The following SIGLEC8 variants were observed in gnomAD, a reference collection of about 807,000 sequenced individuals.
SIGLEC8 encodes sialic acid-binding Ig-like lectin 8.
In SIGLEC8, 32 loss-of-function variants were observed where a neutral mutation model predicts 42.1. That is an observed-to-expected ratio of 0.76 (90% confidence interval 0.57 to 1.02). The LOEUF is 1.02. SIGLEC8 is among the 50% of genes least tolerant of loss of function. The pLI, the probability that SIGLEC8 is intolerant of heterozygous loss-of-function variation, is 0.00. For synonymous variants in SIGLEC8, 262 were observed against 260.3 expected (o/e 1.01, Z -0.06); for missense variants, 611 against 610.2 (o/e 1.00, Z -0.01).
At chr19:51,453,532 T>TA (rs1989418067) in intron 6 of SIGLEC8, 1 of 441,764 alleles carries the variant, frequency 2.3e-6, no homozygotes, top group Non-Finnish European at 3.0e-6. Flanking sequence ...CCGTCTCTAC[T>TA]AAAAATACAA....
rs539416076 is a variant in SIGLEC8, at chr19:51,455,260, C to T, written c.1051+158G>A. Among the ~76,000 whole-genome samples the T allele has an allele frequency of 3.3e-5, 5 of 152,262 alleles. No homozygotes were observed. The East Asian group carries it at 7.7e-4, about 24-fold the overall frequency. The stretch of plus-strand genomic sequence containing the variant: ...TCCCCACCCCGCACCCCTTTCCTGG[C>T]GGGGAGAGGACAGTGATGCTCTGGG... On this transcript the variant is annotated intron_variant, in intron 4 of 6. Transcript: ENST00000321424.
chr19:51,454,817 C>A lies in SIGLEC8; in HGVS notation c.1052-37G>T. On this transcript the variant is annotated intron_variant, in intron 4 of 6. Transcript: ENST00000321424. This position sits in a 1 kb window ranked among gnomAD's most constrained non-coding sequence, Gnocchi z 4.7. ...TTGGAGTTGCTTTGGGGATTTATAT[C>A]ACGGAGAAGTGGGTCTCTTCCCCTC... 1 of 1,512,750 alleles carries A rather than the reference C, an allele frequency of 6.6e-7. No individual in the cohort carries two copies. Among genetic ancestry groups the A allele is most frequent in the Non-Finnish European group, 9.2e-7 (1 of 1,088,080 alleles). 93.7% of individuals were successfully genotyped at this position (1,512,750 alleles called of 1,614,324 possible).
At chr19:51,457,414 C>T (rs745547757) in intron 2 of SIGLEC8, 47 bp downstream of exon 2, 2 of 1,606,762 alleles carry the variant, frequency 1.2e-6, no homozygotes, top group South Asian at 2.2e-5. Flanking sequence ...CCCTCAGGAA[C>T]ACCTCCCAAC....
At chr19:51,457,887 C>T in intron 1 of SIGLEC8, 47 bp downstream of exon 1, 5 of 1,591,526 alleles carry the variant, frequency 3.1e-6, no homozygotes, top group South Asian at 2.2e-5. Flanking sequence ...TGCCTTTCAG[C>T]CCCTCATGAC....
intron 4 of SIGLEC8, among the ~76,000 whole-genome samples, chr19:51,455,130 C>T (rs1989457829): frequency 6.6e-6 from 1 of 152,244 alleles, no homozygotes. Context: ...GCAAGTGCCT[C>T]ATGTGCCTCA....
At chr19:51,453,364 G>GTC in intron 6 of SIGLEC8, 11 of 984,832 alleles carry the variant, frequency 1.1e-5, no homozygotes, top group Non-Finnish European at 1.2e-5. Flanking sequence ...TGGCAGCTCA[G>GTC]TCTTTAATTG....
In SIGLEC8 at chr19:51,452,617, G is replaced by C; in HGVS notation, c.1262C>G (p.Ser421Cys). The C allele has an allele frequency of 6.5e-7, 1 of 1,541,916 alleles. No homozygotes were observed. Among genetic ancestry groups the C allele is most frequent in the Non-Finnish European group, 8.8e-7 (1 of 1,140,290 alleles). Reference protein sequence around the residue: ...GSASQGPLTESWKDGNPLKKP... With the variant: ...GSASQGPLTECWKDGNPLKKP... Reference sequence around the variant, plus strand: ...CTTCAGGGGGTTGCCATCTTTCCAGGATTCAGTCAGGGGTCCCTGGACAGA... The same window carrying C: ...CTTCAGGGGGTTGCCATCTTTCCAGCATTCAGTCAGGGGTCCCTGGACAGA... Residue 421 changes from serine (S) to cysteine (C), a missense_variant, in exon 7 of 7, where the codon TCC becomes TGC. By Grantham distance (112) the Ser-to-Cys change is moderately radical (BLOSUM62 -1). Transcript: ENST00000321424.
Position 51,457,598 on chromosome 19 carries a change from G to T in SIGLEC8, c.596C>A (p.Pro199Gln). 4 of 1,612,956 alleles carry T rather than the reference G, an allele frequency of 2.5e-6. No homozygotes were observed. Among genetic ancestry groups the T allele is most frequent in the Non-Finnish European group, 3.4e-6 (4 of 1,179,394 alleles). ...ISWIGASVSS[P>Q]GPTTARSSVL... ...TGAGGAGCGGGCAGTAGTGGGGCCC[G>T]GGGAGGACACGGAGGCCCCAATCCA... The change falls in exon 2 of 7, where the codon CCG becomes CAG. Residue 199 changes from proline (P) to glutamine (Q), a missense_variant. Physicochemically the swap from Pro to Gln is moderately conservative, Grantham distance 76 (BLOSUM62 -1). Transcript: ENST00000321424.
chr19:51,457,351 G>T, intron 2 of SIGLEC8, 110 bp downstream of exon 2: 1 of 1,509,366 alleles, frequency 6.6e-7, no homozygotes, highest in Non-Finnish European at 9.0e-7. Context: ...CCCACTCCCA[G>T]CCCAGATTCT....
rs1271621992 is a variant in SIGLEC8, at chr19:51,454,777, G to A, written c.1055C>T (p.Thr352Ile). Residue 352 changes from threonine to isoleucine, a missense_variant, in exon 5 of 7, where the codon ACC becomes ATC. Coordinates refer to ENST00000321424, the MANE Select transcript of SIGLEC8 (RefSeq NM_014442.3). This position sits in a 1 kb window ranked among gnomAD's most constrained non-coding sequence, Gnocchi z 4.7. ...TGTCACTTGTGATACAGGTCTTGAGGTGCCTGCAGATGGATTGGAGTTGCT... is the reference window on the plus strand; with the variant it reads ...TGTCACTTGTGATACAGGTCTTGAGATGCCTGCAGATGGATTGGAGTTGCT... ...SLSLQNEGTG[T>I]SRPVSQVTLA... 1.2e-6 allele frequency: 2 copies of A among 1,613,250 alleles called. No homozygotes were observed. The highest frequency in any genetic ancestry group is 8.5e-7 in the Non-Finnish European group (1 of 1,179,336).
chr19:51,454,424 G>T lies in SIGLEC8; in HGVS notation c.1149-109C>A. 1 of 1,584,088 alleles carries T rather than the reference G, an allele frequency of 6.3e-7. No individual in the cohort carries two copies. Among genetic ancestry groups the T allele is most frequent in the Non-Finnish European group, 8.6e-7 (1 of 1,162,834 alleles). On this transcript the variant is annotated intron_variant, in intron 5 of 6. Coordinates refer to ENST00000321424, the MANE Select transcript of SIGLEC8 (RefSeq NM_014442.3). The surrounding 1 kb of genome is among the most constrained non-coding windows in gnomAD (Gnocchi z 4.7). ...TGGGGGCTTGAGGGGTGACCGAGGC[G>T]CAACGGCGGTGGTCCAGTTCCAGAG...
Position 51,458,289 on chromosome 19 carries a change from C to G in SIGLEC8, c.99G>C (p.Glu33Asp). The G allele has an allele frequency of 1.2e-6, 2 of 1,614,162 alleles. No individual in the cohort carries two copies. The highest frequency in any genetic ancestry group is 1.7e-6 in the Non-Finnish European group (2 of 1,180,008). The change falls in exon 1 of 7, where the codon GAG becomes GAC. Residue 33 changes from glutamate (E) to aspartate (D), a missense_variant. Glu to Asp is a conservative substitution (Grantham distance 45, BLOSUM62 2). Coordinates refer to ENST00000321424, the MANE Select transcript of SIGLEC8 (RefSeq NM_014442.3). ...YGDGYLLQVQ[E>D]LVTVQEGLCV... ...ACAGGCCCTCCTGCACCGTCACCAG[C>G]TCCTGCACTTGCAGCAAGTAACCAT... is the stretch of plus-strand genomic sequence containing the variant.
intron 3 of SIGLEC8, 25 bp downstream of exon 3, chr19:51,457,159 C>T (rs1989514196): frequency 6.2e-7 from 1 of 1,610,588 alleles, no homozygotes; most frequent in Non-Finnish European, 8.5e-7. Context: ...GCTCCCCCAA[C>T]CCCAGGGAGG....
In SIGLEC8 at chr19:51,457,924, C is replaced by T. The variant is rs1238979607; in HGVS notation, c.454+10G>A. The T allele has an allele frequency of 2.5e-6, 4 of 1,612,962 alleles. No homozygotes were observed. Among genetic ancestry groups the T allele is most frequent in the African/African-American group, 1.3e-5 (1 of 74,872 alleles). ...TTCCCCTGTGGCCTGTGCTGGAGCCCGTGCCTTACCTGTCACAAACACAGA... is the reference window on the plus strand; with the variant it reads ...TTCCCCTGTGGCCTGTGCTGGAGCCTGTGCCTTACCTGTCACAAACACAGA... On this transcript the variant is annotated intron_variant, in intron 1 of 6. Transcript: ENST00000321424.
chr19:51,456,634 G>T (rs1235934541), intron 3 of SIGLEC8, among the ~76,000 whole-genome samples: 1 of 152,186 alleles, frequency 6.6e-6, no homozygotes, highest in South Asian at 2.1e-4. Context: ...GTCTCACTAC[G>T]ATGTCAAACC....
rs756819874 is a variant in SIGLEC8, at chr19:51,454,763, A to G, written c.1069T>C (p.Ser357Pro). 3 of 1,613,768 alleles carry G rather than the reference A, an allele frequency of 1.9e-6. No individual in the cohort carries two copies. The South Asian group carries it at 3.3e-5, about 18-fold the overall frequency. Reference sequence around the variant, plus strand: ...CCGACTGCTGCCAGTGTCACTTGTGATACAGGTCTTGAGGTGCCTGCAGAT... The same window carrying G: ...CCGACTGCTGCCAGTGTCACTTGTGGTACAGGTCTTGAGGTGCCTGCAGAT... ...NEGTGTSRPVSQVTLAAVGGA... is the reference protein window; with the variant it reads ...NEGTGTSRPVPQVTLAAVGGA... The change falls in exon 5 of 7, where the codon TCA becomes CCA. Residue 357 changes from serine (S) to proline (P), a missense_variant. Coordinates refer to ENST00000321424, the MANE Select transcript of SIGLEC8 (RefSeq NM_014442.3). This position sits in a 1 kb window ranked among gnomAD's most constrained non-coding sequence, Gnocchi z 4.7.
chr19:51,456,367 T>C (rs1470738760), intron 3 of SIGLEC8, among the ~76,000 whole-genome samples: 6 of 152,334 alleles, frequency 3.9e-5, no homozygotes, highest in Non-Finnish European at 1.5e-5. Context: ...GCTGGGAATG[T>C]AAACTTGTCC....
chr19:51,458,044 C>T lies in SIGLEC8; in HGVS notation c.344G>A (p.Arg115Lys). The change falls in exon 1 of 7, where the codon AGG becomes AAG. Residue 115 changes from arginine to lysine, a missense_variant. By Grantham distance (26) the Arg-to-Lys change is conservative. Transcript: ENST00000321424. ...NDCSLSIRDA[R>K]KRDKGSYFFR... Reference sequence around the variant, plus strand: ...GAAATATGACCCCTTATCCCTCTTCCTGGCGTCTCTGATGCTCAGGGAGCA... The same window carrying T: ...GAAATATGACCCCTTATCCCTCTTCTTGGCGTCTCTGATGCTCAGGGAGCA... 1 of 1,614,188 alleles carries T rather than the reference C, an allele frequency of 6.2e-7. No individual in the cohort carries two copies. Among genetic ancestry groups the T allele is most frequent in the Non-Finnish European group, 8.5e-7 (1 of 1,180,034 alleles).
Position 51,452,292 on chromosome 19 carries a change from G to T in SIGLEC8, c.*87C>A. On this transcript the variant is annotated 3_prime_UTR_variant, in exon 7 of 7. Transcript: ENST00000321424. The stretch of plus-strand genomic sequence containing the variant: ...GGTAGCCGGGGAAAGGGGAGACATT[G>T]GTCCAAGTTTTGGTTAGACAGGAGG... The T allele has an allele frequency of 8.4e-7, 1 of 1,184,512 alleles. No homozygotes were observed. The highest frequency in any genetic ancestry group is 1.2e-6 in the Non-Finnish European group (1 of 843,930). 73.4% of individuals were successfully genotyped at this position (1,184,512 alleles called of 1,614,324 possible). A position where few individuals can be genotyped will look rare whatever the true frequency, so the allele number is the denominator to read the frequency against.
Sources: allele counts gnomAD v4.1 joint callset (sites outside exome capture counted in the v4.1 genomes callset), GRCh38; gene constraint gnomAD v4.1.1; non-coding constraint Gnocchi (gnomAD v3.1); transcripts MANE v1.5; gene names NCBI Gene and HGNC (gene_info 2026-07-23, HGNC 2026-07-21).